UNC5D: variants seen among roughly 807,000 people sequenced by gnomAD.
UNC5D encodes netrin receptor UNC5D.
In UNC5D, 39 loss-of-function variants were observed where a neutral mutation model predicts 105.4. The observed-to-expected ratio is 0.37, with a 90% confidence interval of 0.29 to 0.48. The LOEUF is 0.48. UNC5D is among the 20% of genes least tolerant of loss of function. The pLI, the probability that UNC5D is intolerant of heterozygous loss-of-function variation, is 0.98. For missense variants in UNC5D, 991 were observed against 1,202.4 expected (o/e 0.82, Z 2.60); for synonymous variants, 452 against 450.4 (o/e 1.00, Z -0.04).
intron 1 of UNC5D, among the ~76,000 whole-genome samples, chr8:35,327,703 G>T (rs1810280379): frequency 6.6e-6 from 1 of 152,186 alleles, no homozygotes; most frequent in Non-Finnish European, 1.5e-5. Flanking sequence ...CCCTGGCACG[G>T]TCTGCAGTTG....
chr8:35,671,760 C>G (rs919712713), intron 4 of UNC5D, among the ~76,000 whole-genome samples: 1 of 151,770 alleles, frequency 6.6e-6, no homozygotes, highest in African/African-American at 2.4e-5. Flanking sequence ...GATAGAGTGT[C>G]TAGTAATCAA....
intron 4 of UNC5D, among the ~76,000 whole-genome samples, chr8:35,597,471 T>C (rs1466075729): frequency 6.6e-6 from 1 of 152,198 alleles, no homozygotes; most frequent in African/African-American, 2.4e-5. Context: ...TCAGCAGTTC[T>C]CTACATTCAG....
chr8:35,645,723 TA>T (rs1486547643), intron 4 of UNC5D, among the ~76,000 whole-genome samples: 7 of 152,076 alleles, frequency 4.6e-5, no homozygotes, highest in Non-Finnish European at 7.4e-5. Context: ...TCAGAGAATA[TA>T]AAATGGCAGG....
intron 4 of UNC5D, among the ~76,000 whole-genome samples, chr8:35,672,900 C>A (rs900655736): frequency 6.6e-6 from 1 of 152,094 alleles, no homozygotes; most frequent in Non-Finnish European, 1.5e-5. Context: ...AAGTAAAGGA[C>A]AACACTATCT....
intron 1 of UNC5D, among the ~76,000 whole-genome samples, chr8:35,447,415 A>G (rs957961214): frequency 3.3e-5 from 5 of 152,108 alleles, no homozygotes; most frequent in African/African-American, 9.7e-5. Flanking sequence ...ATTTTTAGCA[A>G]CTTCAAAAAG....
chr8:35,307,876 G>C (rs12114702), intron 1 of UNC5D, among the ~76,000 whole-genome samples: 3,591 of 152,148 alleles, frequency 0.024, 149 homozygotes, highest in African/African-American at 0.083. Context: ...AGACTGTTGG[G>C]GGGAAACTTC....
intron 1 of UNC5D, among the ~76,000 whole-genome samples, chr8:35,464,963 T>C (rs1809191918): frequency 6.6e-6 from 1 of 152,222 alleles, no homozygotes; most frequent in South Asian, 2.1e-4. Context: ...GCAATCCCCA[T>C]ATGAGTTCTG....
chr8:35,604,812 A>G (rs1820163060), intron 4 of UNC5D, among the ~76,000 whole-genome samples: 1 of 152,096 alleles, frequency 6.6e-6, no homozygotes, highest in African/African-American at 2.4e-5. Context: ...CATCACTGAT[A>G]CCTTTTCTTC....
At chr8:35,304,636 AAAG>A (rs1043452155) in intron 1 of UNC5D, among the ~76,000 whole-genome samples, 51 of 152,282 alleles carry the variant, frequency 3.3e-4, no homozygotes, top group African/African-American at 1.1e-3. Context: ...AACAGAAAAA[AAAG>A]AAGAGTGAAT....
intron 1 of UNC5D, among the ~76,000 whole-genome samples, chr8:35,402,342 G>A (rs1804521845): frequency 6.6e-6 from 1 of 152,134 alleles, no homozygotes; most frequent in Non-Finnish European, 1.5e-5. Context: ...TACATTGGCA[G>A]CAGGCAAGAG....
chr8:35,278,827 T>C (rs1805953280), intron 1 of UNC5D, among the ~76,000 whole-genome samples: 1 of 152,292 alleles, frequency 6.6e-6, no homozygotes, highest in Non-Finnish European at 1.5e-5. Context: ...TCTACACTTA[T>C]TCATCCTATA....
intron 1 of UNC5D, among the ~76,000 whole-genome samples, chr8:35,290,073 A>G (rs1806924321): frequency 6.6e-6 from 1 of 152,168 alleles, no homozygotes; most frequent in Non-Finnish European, 1.5e-5. Flanking sequence ...GAACTTCTGT[A>G]TATTATTGGC....
At chr8:35,429,709 A>G (rs1021085967) in intron 1 of UNC5D, among the ~76,000 whole-genome samples, 1 of 152,122 alleles carries the variant, frequency 6.6e-6, no homozygotes, top group African/African-American at 2.4e-5. Context: ...TTGAGGTTTC[A>G]TTCAGCCACA....
intron 11 of UNC5D, among the ~76,000 whole-genome samples, chr8:35,733,524 C>T (rs1000197451): frequency 6.6e-6 from 1 of 152,176 alleles, no homozygotes; most frequent in African/African-American, 2.4e-5. Context: ...TCATCTTTAC[C>T]TCTAGAGCCA....
chr8:35,435,684 A>G (rs1400903246), intron 1 of UNC5D, among the ~76,000 whole-genome samples: 3 of 152,136 alleles, frequency 2.0e-5, no homozygotes, highest in Non-Finnish European at 4.4e-5. Flanking sequence ...CAACTGATAT[A>G]TCTAAATTAG....
intron 1 of UNC5D, among the ~76,000 whole-genome samples, chr8:35,403,379 T>A (rs565530558): frequency 2.0e-5 from 3 of 152,292 alleles, no homozygotes; most frequent in African/African-American, 7.2e-5. Context: ...GTTTCAGTCC[T>A]CCTCACCATC....
chr8:35,716,655 CTATTGTCATTAATTACAACAG>C (rs1279757120), intron 8 of UNC5D, among the ~76,000 whole-genome samples: 1 of 152,158 alleles, frequency 6.6e-6, no homozygotes, highest in African/African-American at 2.4e-5. Context: ...GATATAGCTA[CTATTGTCATTAATTACAACAG>C]TAAAACAATA....
At chr8:35,759,811 A>G (rs1214445732) in intron 14 of UNC5D, among the ~76,000 whole-genome samples, 1 of 152,152 alleles carries the variant, frequency 6.6e-6, no homozygotes, top group South Asian at 2.1e-4. Flanking sequence ...AAATCAGTTC[A>G]TTATGAGACA....
intron 1 of UNC5D, among the ~76,000 whole-genome samples, chr8:35,260,405 G>C (rs912510591): frequency 6.6e-6 from 1 of 152,212 alleles, no homozygotes; most frequent in East Asian, 1.9e-4. Context: ...TGGGCCATTT[G>C]CGTCGTCCAC....
Sources: gnomAD v4.1 joint callset for allele counts (sites outside exome capture counted in the v4.1 genomes callset) on GRCh38, gnomAD v4.1.1 for gene constraint, MANE v1.5 for transcripts, NCBI Gene and HGNC (gene_info 2026-07-23, HGNC 2026-07-21) for gene names.